Variants in SLX4IP observed in about 807,000 individuals in gnomAD.
SLX4IP encodes protein SLX4IP.
SLX4IP carries 34 observed loss-of-function variants against 32.9 expected under a neutral mutation model. That is an observed-to-expected ratio of 1.03 (90% CI 0.79 to 1.38). The LOEUF (loss-of-function observed/expected upper bound fraction) is 1.38. SLX4IP is among the 40% of genes most tolerant of loss of function. SLX4IP has a pLI of 0.00. For missense variants in SLX4IP, 444 were observed against 479.0 expected, an observed-to-expected ratio of 0.93 and a Z score of 0.68; for synonymous variants, 172 against 171.7, an observed-to-expected ratio of 1.00 and a Z score of -0.01.
At chr20:10,475,926 C>T (rs2065472241) in intron 2 of SLX4IP, among the ~76,000 whole-genome samples, 1 of 152,210 alleles carries the variant, frequency 6.6e-6, no homozygotes, top group South Asian at 2.1e-4. Flanking sequence ...GTCTCATAGA[C>T]AGGCCTTTTT....
intron 2 of SLX4IP, among the ~76,000 whole-genome samples, chr20:10,550,244 AT>A (rs1374044619): frequency 6.6e-6 from 1 of 152,074 alleles, no homozygotes; most frequent in African/African-American, 2.4e-5. Context: ...TATTCTCCCC[AT>A]TTTTAATCTT....
chr20:10,501,283 G>T (rs540153499), intron 2 of SLX4IP, among the ~76,000 whole-genome samples: 1 of 151,966 alleles, frequency 6.6e-6, no homozygotes, highest in Admixed American at 6.6e-5. Flanking sequence ...AAAAATTTCC[G>T]CTATACTCCA....
intron 2 of SLX4IP, among the ~76,000 whole-genome samples, chr20:10,514,748 G>C (rs73896583): frequency 1.1e-4 from 17 of 152,306 alleles, no homozygotes; most frequent in African/African-American, 4.1e-4. Context: ...TGTGAAAGTA[G>C]TTTTTATGTA....
Position 10,620,738 on chromosome 20 carries a change from G to A in SLX4IP, c.406-576G>A, listed in dbSNP as rs887013889. Among the ~76,000 whole-genome samples, 3 of 152,246 alleles carry A rather than the reference G, an allele frequency of 2.0e-5. No homozygotes were observed. In the South Asian group the frequency reaches 6.2e-4, roughly 32 times the overall value. On this transcript the variant is annotated intron_variant, in intron 6 of 7. Coordinates refer to ENST00000334534, the MANE Select transcript of SLX4IP (RefSeq NM_001009608.3). Reference sequence around the variant, plus strand: ...CCCGCTAGTTTTTTTTGTATTTTTAGTAGAGACGGGGTTTCACCGTGTTAG... The same window carrying A: ...CCCGCTAGTTTTTTTTGTATTTTTAATAGAGACGGGGTTTCACCGTGTTAG...
chr20:10,592,304 G>A (rs911228669), intron 4 of SLX4IP, among the ~76,000 whole-genome samples: 46 of 151,360 alleles, frequency 3.0e-4, no homozygotes, highest in African/African-American at 1.1e-3. Context: ...CTTGGGACAG[G>A]ACTCTTGGTT....
intron 4 of SLX4IP, among the ~76,000 whole-genome samples, chr20:10,592,610 C>A (rs534873442): frequency 7.0e-6 from 1 of 142,274 alleles, no homozygotes; most frequent in East Asian, 2.2e-4. Flanking sequence ...TGAAAGCACA[C>A]GTATTCTTCA....
At chr20:10,510,825 C>T (rs967799483) in intron 2 of SLX4IP, among the ~76,000 whole-genome samples, 2 of 152,080 alleles carry the variant, frequency 1.3e-5, no homozygotes, top group African/African-American at 2.4e-5. Context: ...AGGATGGTCT[C>T]GATCTCTCGA....
At chr20:10,519,917 A>T (rs1405238775) in intron 2 of SLX4IP, among the ~76,000 whole-genome samples, 1 of 152,178 alleles carries the variant, frequency 6.6e-6, no homozygotes, top group East Asian at 1.9e-4. Flanking sequence ...TAGTGGTATG[A>T]AGTTGTGTCT....
chr20:10,469,233 C>A (rs558530206), intron 2 of SLX4IP, among the ~76,000 whole-genome samples: 4 of 152,114 alleles, frequency 2.6e-5, no homozygotes, highest in Non-Finnish European at 5.9e-5. Context: ...GGAAGTCACT[C>A]CAGCTTTGGA....
At position 10,623,003 on chromosome 20, in the gene SLX4IP, A is replaced by G. The variant is rs1221047448; in HGVS notation, c.851A>G (p.Lys284Arg). Residue 284 changes from lysine to arginine, a missense_variant, in exon 8 of 8, where the codon AAA becomes AGA. Lys to Arg is a conservative substitution (Grantham distance 26, BLOSUM62 2). Coordinates refer to ENST00000334534, the MANE Select transcript of SLX4IP (RefSeq NM_001009608.3). Reference sequence around the variant, plus strand: ...TGTGAGTCAGCATCACCATGTCCAAAACAAAGTCCACGAGTGGCCAAAACC... The same window carrying G: ...TGTGAGTCAGCATCACCATGTCCAAGACAAAGTCCACGAGTGGCCAAAACC... ...CSCESASPCP[K>R]QSPRVAKTQQ... 6.2e-7 allele frequency: 1 copy of G among 1,614,198 alleles called. No individual in the cohort carries two copies. The highest frequency in any genetic ancestry group is 1.7e-5 in the Admixed American group (1 of 60,028).
chr20:10,590,534 G>A (rs971370407), intron 4 of SLX4IP, among the ~76,000 whole-genome samples: 1 of 149,136 alleles, frequency 6.7e-6, no homozygotes, highest in Admixed American at 6.7e-5. Flanking sequence ...CTAATTTTTT[G>A]TATTTTAGTA....
chr20:10,547,677 T>C (rs2066175984), intron 2 of SLX4IP, among the ~76,000 whole-genome samples: 1 of 152,238 alleles, frequency 6.6e-6, no homozygotes, highest in Non-Finnish European at 1.5e-5. Flanking sequence ...ACCTTAGTTG[T>C]AAACCATTAG....
rs2066265786 is a variant in SLX4IP, at chr20:10,556,216, A to T, written c.28-15A>T. The stretch of plus-strand genomic sequence containing the variant: ...GAGCCGCACAGACACTGACTCTGCC[A>T]TTAATGTCTTTCAGTGTGGGAATTT... On this transcript the variant is annotated splice_polypyrimidine_tract_variant and intron_variant, in intron 2 of 7. Transcript: ENST00000334534. 3.7e-6 allele frequency: 6 copies of T among 1,610,662 alleles called. No homozygotes were observed. The South Asian group carries it at 6.6e-5, about 18-fold the overall frequency.
At chr20:10,516,851 C>A (rs2065855202) in intron 2 of SLX4IP, among the ~76,000 whole-genome samples, 1 of 152,056 alleles carries the variant, frequency 6.6e-6, no homozygotes, top group African/African-American at 2.4e-5. Context: ...CTAAAGTGGC[C>A]CATAATTTTG....
At chr20:10,451,740 G>A (rs552811079) in intron 1 of SLX4IP, among the ~76,000 whole-genome samples, 1 of 151,638 alleles carries the variant, frequency 6.6e-6, no homozygotes, top group Admixed American at 6.6e-5. Flanking sequence ...AGGCCGAGGC[G>A]GGTGAATCAT....
At position 10,623,526 on chromosome 20, in the gene SLX4IP, G is replaced by A. The variant is rs144716355; in HGVS notation, c.*147G>A. 10 of 1,248,688 alleles carry A rather than the reference G, an allele frequency of 8.0e-6. No individual in the cohort carries two copies. The African/African-American group carries it at 1.1e-4, about 13-fold the overall frequency. 77.4% of individuals were successfully genotyped at this position (1,248,688 alleles called of 1,614,324 possible). A position where few individuals can be genotyped will look rare whatever the true frequency, so the allele number is the denominator to read the frequency against. On this transcript the variant is annotated 3_prime_UTR_variant, in exon 8 of 8. Transcript: ENST00000334534. ...AGTGTGTTATCTGTGTTATGGCTATGGTTTGTTTTCAAAGCATTTCAAACC... is the reference window on the plus strand; with the variant it reads ...AGTGTGTTATCTGTGTTATGGCTATAGTTTGTTTTCAAAGCATTTCAAACC...
intron 2 of SLX4IP, among the ~76,000 whole-genome samples, chr20:10,520,165 C>G (rs1271941570): frequency 2.0e-5 from 3 of 152,146 alleles, no homozygotes; most frequent in Admixed American, 1.3e-4. Context: ...ATTCTCCTGC[C>G]TCAGCCTCCT....
intron 2 of SLX4IP, among the ~76,000 whole-genome samples, chr20:10,543,591 A>G (rs2066132458): frequency 6.6e-6 from 1 of 152,198 alleles, no homozygotes; most frequent in Non-Finnish European, 1.5e-5. Flanking sequence ...AGACTGAGAA[A>G]GTGTGTCCAG....
intron 4 of SLX4IP, among the ~76,000 whole-genome samples, chr20:10,567,337 A>T (rs960804542): frequency 6.6e-6 from 1 of 152,194 alleles, no homozygotes; most frequent in African/African-American, 2.4e-5. Flanking sequence ...GTATTTGCAT[A>T]TGAAGGCAGA....
Sources: gnomAD v4.1 joint callset for allele counts (sites outside exome capture counted in the v4.1 genomes callset) on GRCh38, gnomAD v4.1.1 for gene constraint, MANE v1.5 for transcripts, NCBI Gene and HGNC (gene_info 2026-07-23, HGNC 2026-07-21) for gene names.